The following ACOX3 variants were observed in gnomAD, a reference collection of about 807,000 sequenced individuals.
The protein encoded by ACOX3 is acyl-CoA oxidase 3, pristanoyl.
A neutral mutation model predicts 81.5 loss-of-function variants in ACOX3; 73 were observed. That is an observed-to-expected ratio of 0.90 (90% CI 0.74 to 1.09). The LOEUF (loss-of-function observed/expected upper bound fraction) is 1.09, where lower values mean the gene tolerates loss of function less well. Ranked by LOEUF, ACOX3 falls within the 50% of genes least tolerant of loss-of-function variation. ACOX3 has a pLI of 0.00. For synonymous variants in ACOX3, 387 were observed against 375.1 expected (o/e 1.03, Z -0.37); for missense variants, 947 against 928.0 (o/e 1.02, Z -0.27).
rs145479429 is a variant in ACOX3, at chr4:8,409,939, C to T, written c.687+273G>A. Among the ~76,000 whole-genome samples the T allele has an allele frequency of 4.9e-3, 652 of 132,354 alleles. 6 individuals carry two copies. The highest frequency in any genetic ancestry group is 0.018 in the African/African-American group (633 of 34,890). 86.8% of individuals were successfully genotyped at this position (132,354 alleles called of 152,430 possible). A position where few individuals can be genotyped will look rare whatever the true frequency, so the allele number is the denominator to read the frequency against. ...CGGAGCTGTCTGTGCACTGTGGGCG[C>T]GGCTGTCTGTGCACTGTGGGCAGGG... On this transcript the variant is annotated intron_variant, in intron 6 of 17. Transcript: ENST00000356406.
In ACOX3 at chr4:8,437,810, G is replaced by T. The variant is rs1223346676; in HGVS notation, c.-15+2838C>A. On this transcript the variant is annotated intron_variant, in intron 1 of 17. Transcript: ENST00000356406. This position sits in a 1 kb window ranked among gnomAD's most constrained non-coding sequence, Gnocchi z 5.2. ...CATTGGCCAAGGGCTGCCGCACCTTGGAGGAACCAAATACTGATCTGATCA... is the reference window on the plus strand; with the variant it reads ...CATTGGCCAAGGGCTGCCGCACCTTTGAGGAACCAAATACTGATCTGATCA... 6.6e-6 allele frequency among the ~76,000 whole-genome samples: 1 copy of T among 152,240 alleles called. No homozygotes were observed. The highest frequency in any genetic ancestry group is 2.4e-5 in the African/African-American group (1 of 41,474).
downstream of ACOX3, among the ~76,000 whole-genome samples, chr4:8,365,327 G>A (rs572877320): frequency 3.3e-5 from 5 of 152,358 alleles, no homozygotes; most frequent in African/African-American, 1.2e-4. Context: ...AGCAGGAAGA[G>A]TATCATAGAC....
chr4:8,396,804 C>G, intron 9 of ACOX3, 133 bp downstream of exon 9: 2 of 1,079,260 alleles, frequency 1.9e-6, no homozygotes, highest in Non-Finnish European at 2.6e-6. Context: ...GCCGCACTCC[C>G]GCTAACTAAT....
chr4:8,382,021 G>C lies in ACOX3; in HGVS notation c.1538-414C>G, dbSNP rs1717721661. Among the ~76,000 whole-genome samples the C allele has an allele frequency of 6.6e-6, 1 of 152,260 alleles. No individual in the cohort carries two copies. The highest frequency in any genetic ancestry group is 1.5e-5 in the Non-Finnish European group (1 of 68,040). Reference sequence around the variant, plus strand: ...GCATGGGCAGCAGGACAACTGGCCGGCGGTGGCGCCCAGTGGCGAGAGGAA... The same window carrying C: ...GCATGGGCAGCAGGACAACTGGCCGCCGGTGGCGCCCAGTGGCGAGAGGAA... On this transcript the variant is annotated intron_variant, in intron 13 of 17. Coordinates refer to ENST00000356406, the MANE Select transcript of ACOX3 (RefSeq NM_003501.3). The surrounding 1 kb of genome is among the most constrained non-coding windows in gnomAD (Gnocchi z 4.1).
At chr4:8,393,402 T>C (rs1447005042) in intron 10 of ACOX3, among the ~76,000 whole-genome samples, 1 of 131,752 alleles carries the variant, frequency 7.6e-6, no homozygotes, top group Non-Finnish European at 1.6e-5. Context: ...GGCAAGAGAA[T>C]TGCTTGAACC....
chr4:8,363,521 T>C (rs1715275069), downstream of ACOX3, among the ~76,000 whole-genome samples: 2 of 152,096 alleles, frequency 1.3e-5, no homozygotes, highest in Non-Finnish European at 2.9e-5. Flanking sequence ...AGAAGATGGA[T>C]CTTCATCCCT....
At position 8,419,373 on chromosome 4, in the gene ACOX3, T is replaced by G. The variant is rs1026107144; in HGVS notation, c.-14-2838A>C. Among the ~76,000 whole-genome samples, 2 of 151,274 alleles carry G rather than the reference T, an allele frequency of 1.3e-5. No homozygotes were observed. The highest frequency in any genetic ancestry group is 2.9e-5 in the Non-Finnish European group (2 of 67,898). On this transcript the variant is annotated intron_variant, in intron 1 of 17. Transcript: ENST00000356406. This position sits in a 1 kb window ranked among gnomAD's most constrained non-coding sequence, Gnocchi z 4.2. ...TTACTTAAACCCGGGAGGCAGAGAT[T>G]GCAGTAGCCTAGATTGCGCCACTGC... is the stretch of plus-strand genomic sequence containing the variant.
At chr4:8,396,867 A>T in intron 9 of ACOX3, 70 bp downstream of exon 9, 1 of 1,541,198 alleles carries the variant, frequency 6.5e-7, no homozygotes, top group South Asian at 1.2e-5. Flanking sequence ...ACCAAACGGC[A>T]ACTATGTAAA....
chr4:8,362,185 A>G (rs1206922591), downstream of ACOX3, among the ~76,000 whole-genome samples: 2 of 152,224 alleles, frequency 1.3e-5, no homozygotes, highest in East Asian at 1.9e-4. Context: ...ATTAGAATGG[A>G]GGAAAAACTT....
chr4:8,376,459 A>C (rs565825797), intron 14 of ACOX3, among the ~76,000 whole-genome samples: 1 of 152,114 alleles, frequency 6.6e-6, no homozygotes, highest in African/African-American at 2.4e-5. Flanking sequence ...CGCTGCCCCA[A>C]ATCTTCCCAG....
chr4:8,417,130 T>A (rs1722427127), intron 1 of ACOX3, among the ~76,000 whole-genome samples: 1 of 152,242 alleles, frequency 6.6e-6, no homozygotes, highest in Non-Finnish European at 1.5e-5. Flanking sequence ...AACTCAGCTC[T>A]CTTGACCAAA....
chr4:8,403,552 G>C (rs1287249746), intron 7 of ACOX3, among the ~76,000 whole-genome samples: 1 of 152,208 alleles, frequency 6.6e-6, no homozygotes, highest in Non-Finnish European at 1.5e-5. Context: ...AGGCTCTGGG[G>C]GCTCAGTGAC....
At chr4:8,425,880 A>C (rs983380373) in intron 1 of ACOX3, among the ~76,000 whole-genome samples, 5 of 152,102 alleles carry the variant, frequency 3.3e-5, no homozygotes, top group Non-Finnish European at 7.4e-5. Flanking sequence ...CGCAGACGTT[A>C]CTTAGGCATA....
At chr4:8,378,305 C>A (rs975451000) in intron 14 of ACOX3, among the ~76,000 whole-genome samples, 1 of 152,236 alleles carries the variant, frequency 6.6e-6, no homozygotes, top group African/African-American at 2.4e-5. Flanking sequence ...AGCTGGGGGA[C>A]CTTGGGCATT....
At chr4:8,440,095 G>A (rs1724514347) in intron 1 of ACOX3, among the ~76,000 whole-genome samples, 1 of 152,224 alleles carries the variant, frequency 6.6e-6, no homozygotes, top group Non-Finnish European at 1.5e-5. Flanking sequence ...AAAACTTTCT[G>A]TTCTGTTAGC....
chr4:8,374,752 G>T, intron 15 of ACOX3: 1 of 452,342 alleles, frequency 2.2e-6, no homozygotes, highest in Non-Finnish European at 3.8e-6. Flanking sequence ...TCTCTGAACC[G>T]AACCCCAAGT....
At chr4:8,367,956 C>A (rs1332877192) in intron 17 of ACOX3, among the ~76,000 whole-genome samples, 2 of 151,160 alleles carry the variant, frequency 1.3e-5, no homozygotes, top group Non-Finnish European at 2.9e-5. Context: ...TATGCCACTG[C>A]ACCCCAGCCT....
chr4:8,414,872 T>C lies in ACOX3; in HGVS notation c.435A>G (p.Gln145=), dbSNP rs76927441. Residue 145 remains glutamine (Q), a synonymous_variant, in exon 4 of 18, where the codon CAA becomes CAG. Coordinates refer to ENST00000356406, the MANE Select transcript of ACOX3 (RefSeq NM_003501.3). This position sits in a 1 kb window ranked among gnomAD's most constrained non-coding sequence, Gnocchi z 6.1. ...AACTTACCTCCATCCTGAAGATCTTTTGAATATATGTGAGATGTCTTTCAG... is the reference window on the plus strand; with the variant it reads ...AACTTACCTCCATCCTGAAGATCTTCTGAATATATGTGAGATGTCTTTCAG... ...SGSERHLTYI[Q]KIFRMEIFGC... The C allele has an allele frequency of 6.9e-4, 1,115 of 1,614,206 alleles. 7 individuals carry two copies. In the African/African-American group the frequency reaches 0.013, roughly 19 times the overall value.
downstream of ACOX3, among the ~76,000 whole-genome samples, chr4:8,365,674 C>A (rs2108771460): frequency 6.6e-6 from 1 of 152,304 alleles, no homozygotes; most frequent in Admixed American, 6.5e-5. Flanking sequence ...AAGGTGCTGG[C>A]AGGCGGTAGG....
Sources: allele counts gnomAD v4.1 joint callset (sites outside exome capture counted in the v4.1 genomes callset), GRCh38; gene constraint gnomAD v4.1.1; non-coding constraint Gnocchi (gnomAD v3.1); transcripts MANE v1.5; gene names NCBI Gene and HGNC (gene_info 2026-07-23, HGNC 2026-07-21).